IQGAP1: variants seen among roughly 807,000 people sequenced by gnomAD.
IQGAP1 encodes the protein IQ motif containing GTPase activating protein 1, also known as ras GTPase-activating-like protein IQGAP1.
In IQGAP1, 66 loss-of-function variants were observed where a neutral mutation model predicts 215.6. That is an observed-to-expected ratio of 0.31 (90% CI 0.25 to 0.38). The LOEUF is 0.38. IQGAP1 is among the 10% of genes least tolerant of loss of function. IQGAP1 has a pLI of 1.00. For missense variants in IQGAP1, 1,712 were observed against 1,997.1 expected (o/e 0.86, Z 2.72); for synonymous variants, 772 against 728.7 (o/e 1.06, Z -0.96).
intron 11 of IQGAP1, among the ~76,000 whole-genome samples, chr15:90,451,907 G>A (rs1277028962): frequency 6.6e-6 from 1 of 150,584 alleles, no homozygotes; most frequent in Non-Finnish European, 1.5e-5. Context: ...TCAGCTCACT[G>A]CAACCTCTGA....
rs923867068 is a variant in IQGAP1, at chr15:90,467,694, A to G, written c.2178+102A>G. ...GGCATGTGGTCAGAAGCCCTAGACT[A>G]AAATTGAGGTTATGTAATGAGCTGT... On this transcript the variant is annotated intron_variant, in intron 18 of 37. Coordinates refer to ENST00000268182, the MANE Select transcript of IQGAP1 (RefSeq NM_003870.4). 5.7e-6 allele frequency: 7 copies of G among 1,221,356 alleles called. No individual in the cohort carries two copies. In the Admixed American group the frequency reaches 7.8e-5, roughly 14 times the overall value. The allele number at this position is 1,221,356 out of a possible 1,614,324, so 75.7% of individuals were successfully genotyped here.
At chr15:90,388,457 AT>A in intron 1 of IQGAP1, 61 bp downstream of exon 1, 1 of 600,986 alleles carries the variant, frequency 1.7e-6, no homozygotes, top group South Asian at 1.8e-5. Context: ...ACGAGGCGCG[AT>A]TTTCCTGGGG....
At chr15:90,419,140 G>GAAAAAAAAAA (rs200209041) in intron 2 of IQGAP1, among the ~76,000 whole-genome samples, 1 of 112,148 alleles carries the variant, frequency 8.9e-6, no homozygotes. Context: ...TCTCAAAAAA[G>GAAAAAAAAAA]AAAAAAAAAA....
At chr15:90,439,193 C>A in intron 5 of IQGAP1, 139 bp from the exon 6 acceptor site, 2 of 467,634 alleles carry the variant, frequency 4.3e-6, no homozygotes, top group Non-Finnish European at 7.7e-6. Context: ...ATTGTAACTA[C>A]AAAGGAGACT....
At chr15:90,411,205 A>C (rs1964960316) in intron 2 of IQGAP1, among the ~76,000 whole-genome samples, 1 of 152,156 alleles carries the variant, frequency 6.6e-6, no homozygotes, top group Admixed American at 6.5e-5. Context: ...TATCTTTATT[A>C]TAACTTTTCT....
Position 90,474,044 on chromosome 15 carries a change from T to C in IQGAP1, c.2506-20T>C. On this transcript the variant is annotated intron_variant, in intron 21 of 37. Transcript: ENST00000268182. ...TGGTAGACAGATGAACAGAGAAATT[T>C]CTTCTTTTTTGTTCCTTAGATAAAT... 1 of 1,612,066 alleles carries C rather than the reference T, an allele frequency of 6.2e-7. No individual in the cohort carries two copies. The highest frequency in any genetic ancestry group is 1.1e-5 in the South Asian group (1 of 90,890).
intron 26 of IQGAP1, 62 bp downstream of exon 26, chr15:90,477,951 CT>C (rs1966003606): frequency 9.4e-7 from 1 of 1,069,068 alleles, no homozygotes. Context: ...CTTTTTTCCC[CT>C]CTCTTTATTT....
Position 90,443,419 on chromosome 15 carries a change from A to G in IQGAP1, c.854A>G (p.Asp285Gly). 7 of 1,613,174 alleles carry G rather than the reference A, an allele frequency of 4.3e-6. No homozygotes were observed. Among genetic ancestry groups the G allele is most frequent in the East Asian group, 2.2e-5 (1 of 44,860 alleles). The change falls in exon 9 of 38, where the codon GAT becomes GGT. Residue 285 changes from aspartate (D) to glycine (G), a missense_variant. By Grantham distance (94) the Asp-to-Gly change is moderately conservative. Coordinates refer to ENST00000268182, the MANE Select transcript of IQGAP1 (RefSeq NM_003870.4). ...ACAGAAAACTCAGAGAGAGAAAGAGATGTTTATGAGGAGCTGCTCACGCAA... is the reference window on the plus strand; with the variant it reads ...ACAGAAAACTCAGAGAGAGAAAGAGGTGTTTATGAGGAGCTGCTCACGCAA... ...NRTENSERERDVYEELLTQAE... is the reference protein window; with the variant it reads ...NRTENSERERGVYEELLTQAE...
intron 18 of IQGAP1, among the ~76,000 whole-genome samples, chr15:90,468,445 A>T (rs573877562): frequency 6.6e-6 from 1 of 152,316 alleles, no homozygotes; most frequent in South Asian, 2.1e-4. Context: ...GAACCAAACA[A>T]AGTCTCTGCT....
Position 90,456,229 on chromosome 15 carries a change from C to G in IQGAP1, c.1690C>G (p.Pro564Ala). The G allele has an allele frequency of 1.9e-6, 3 of 1,614,120 alleles. No homozygotes were observed. The highest frequency in any genetic ancestry group is 2.2e-5 in the East Asian group (1 of 44,882). The change falls in exon 15 of 38, where the codon CCT becomes GCT. Residue 564 changes from proline (P) to alanine (A), a missense_variant. By Grantham distance (27) the Pro-to-Ala change is conservative (BLOSUM62 -1). Transcript: ENST00000268182. ...AAAGACTCTGCAGGCCCTACAGATT[C>G]CTGCAGCTAAACTTGAGGGAGTCCT... is the stretch of plus-strand genomic sequence containing the variant. ...AQKTLQALQI[P>A]AAKLEGVLAE... is the part of the protein sequence containing the mutation.
chr15:90,488,230 T>TAATAATAAATA (rs1555441977), intron 33 of IQGAP1, among the ~76,000 whole-genome samples: 10 of 147,688 alleles, frequency 6.8e-5, no homozygotes, highest in Admixed American at 2.0e-4. Flanking sequence ...CAAAAAATAA[T>TAATAATAAATA]AATAAATAAA....
At chr15:90,429,132 A>G (rs568952928) in intron 3 of IQGAP1, among the ~76,000 whole-genome samples, 10 of 152,236 alleles carry the variant, frequency 6.6e-5, no homozygotes, top group Non-Finnish European at 1.5e-4. Context: ...GGATTACAGG[A>G]ATGAGCCACC....
intron 5 of IQGAP1, among the ~76,000 whole-genome samples, chr15:90,436,121 T>C (rs1965367688): frequency 6.6e-6 from 1 of 151,708 alleles, no homozygotes; most frequent in African/African-American, 2.4e-5. Flanking sequence ...ATAGTCACTG[T>C]ACTTTAATCA....
intron 23 of IQGAP1, among the ~76,000 whole-genome samples, chr15:90,475,102 G>A (rs1199104841): frequency 4.7e-5 from 7 of 149,908 alleles, no homozygotes; most frequent in South Asian, 2.1e-4. Context: ...CAGGTTCAGC[G>A]ATTCTCCTGC....
At chr15:90,441,464 C>T in intron 7 of IQGAP1, 42 bp from the exon 8 acceptor site, 1 of 1,526,998 alleles carries the variant, frequency 6.5e-7, no homozygotes, top group Non-Finnish European at 9.0e-7. Flanking sequence ...TCTATATAAT[C>T]TCAGTGTTTT....
At chr15:90,458,560 A>G (rs1217491959) in intron 15 of IQGAP1, among the ~76,000 whole-genome samples, 1 of 152,240 alleles carries the variant, frequency 6.6e-6, no homozygotes, top group East Asian at 1.9e-4. Flanking sequence ...GCAGCCTGAC[A>G]CATTAGAGAT....
intron 1 of IQGAP1, among the ~76,000 whole-genome samples, chr15:90,389,455 C>T (rs551365851): frequency 1.3e-5 from 2 of 151,422 alleles, no homozygotes; most frequent in East Asian, 2.0e-4. Context: ...AAGCGATTCT[C>T]CTGCAGTCTC....
intron 2 of IQGAP1, among the ~76,000 whole-genome samples, chr15:90,409,565 G>A (rs1250264822): frequency 6.6e-6 from 1 of 151,982 alleles, no homozygotes; most frequent in African/African-American, 2.4e-5. Context: ...TTGTAGAAAC[G>A]GGTTTCACTG....
chr15:90,457,434 G>GT (rs531622841), intron 15 of IQGAP1, among the ~76,000 whole-genome samples: 1,499 of 145,642 alleles, frequency 0.01, 15 homozygotes, highest in African/African-American at 0.026. Flanking sequence ...GGGCTTCTTT[G>GT]TTTTTTTTTT....
Sources: allele counts gnomAD v4.1 joint callset (sites outside exome capture counted in the v4.1 genomes callset), GRCh38; gene constraint gnomAD v4.1.1; transcripts MANE v1.5; gene names NCBI Gene and HGNC (gene_info 2026-07-23, HGNC 2026-07-21).